Variants in GRID2 observed in about 807,000 individuals in gnomAD.
The protein encoded by GRID2 is glutamate ionotropic receptor delta type subunit 2.
Under a neutral mutation model 114.8 loss-of-function variants are expected in GRID2, and 33 were observed. That is an observed-to-expected ratio of 0.29 (90% CI 0.22 to 0.38). GRID2 has a LOEUF of 0.38. Among genes scored for constraint, GRID2 ranks in the 10% least tolerant of loss-of-function variants. GRID2 has a pLI of 1.00. For synonymous variants in GRID2, 505 were observed against 449.9 expected (o/e 1.12, Z -1.55); for missense variants, 1,184 against 1,257.7 (o/e 0.94, Z 0.89).
At chr4:92,915,479 A>T (rs1748710331) in intron 2 of GRID2, among the ~76,000 whole-genome samples, 1 of 152,110 alleles carries the variant, frequency 6.6e-6, no homozygotes, top group Non-Finnish European at 1.5e-5. Flanking sequence ...TTAGCTTTAC[A>T]ATATGAATTT....
At chr4:93,754,698 A>G (rs924154477) in intron 14 of GRID2, among the ~76,000 whole-genome samples, 4 of 152,208 alleles carry the variant, frequency 2.6e-5, no homozygotes, top group Non-Finnish European at 4.4e-5. Flanking sequence ...CACTTCTACA[A>G]TTATTCATTA....
At chr4:93,416,054 T>C (rs1379113649) in intron 9 of GRID2, among the ~76,000 whole-genome samples, 1 of 152,068 alleles carries the variant, frequency 6.6e-6, no homozygotes, top group Non-Finnish European at 1.5e-5. Flanking sequence ...AAAAATGTTT[T>C]CATTGCATAT....
chr4:92,973,864 T>G (rs1016322774), intron 2 of GRID2, among the ~76,000 whole-genome samples: 2 of 152,132 alleles, frequency 1.3e-5, no homozygotes, highest in African/African-American at 2.4e-5. Flanking sequence ...CTAAAGAGCT[T>G]CTGCACAGCA....
intron 2 of GRID2, among the ~76,000 whole-genome samples, chr4:92,991,960 C>T (rs558402663): frequency 1.3e-4 from 20 of 152,106 alleles, no homozygotes; most frequent in East Asian, 3.9e-4. Context: ...TTTATATCAA[C>T]GTATGTGAGG....
At position 92,318,039 on chromosome 4, in the gene GRID2, T is replaced by C. The variant is rs1188786058; in HGVS notation, c.88+13295T>C. On this transcript the variant is annotated intron_variant, in intron 1 of 15. Transcript: ENST00000282020. ...GTCAATACACATTGAGTCTTGAGCA[T>C]CTACATTGTATATACCCTGTTGACC... 5.9e-5 allele frequency among the ~76,000 whole-genome samples: 9 copies of C among 152,236 alleles called. No individual in the cohort carries two copies. The East Asian group carries it at 9.7e-4, about 16-fold the overall frequency.
At chr4:92,932,345 A>C (rs1278952705) in intron 2 of GRID2, among the ~76,000 whole-genome samples, 1 of 151,286 alleles carries the variant, frequency 6.6e-6, no homozygotes, top group Non-Finnish European at 1.5e-5. Flanking sequence ...AAGGTTTTGC[A>C]CAACTACAAT....
intron 8 of GRID2, among the ~76,000 whole-genome samples, chr4:93,324,742 A>C (rs1460274144): frequency 3.3e-5 from 5 of 152,080 alleles, no homozygotes; most frequent in African/African-American, 4.8e-5. Context: ...CAGAGATTCA[A>C]CTTCTTCCTG....
At chr4:92,331,802 A>T (rs1470451514) in intron 1 of GRID2, among the ~76,000 whole-genome samples, 2 of 152,220 alleles carry the variant, frequency 1.3e-5, no homozygotes, top group Admixed American at 6.5e-5. Context: ...ACTTTGAATA[A>T]GATGAGGTAT....
intron 4 of GRID2, among the ~76,000 whole-genome samples, chr4:93,124,992 G>T (rs1268267491): frequency 6.6e-6 from 1 of 151,718 alleles, no homozygotes; most frequent in Non-Finnish European, 1.5e-5. Context: ...ATTTCTTTTT[G>T]GTTTCTACTT....
At chr4:92,862,241 T>G (rs1002687048) in intron 2 of GRID2, among the ~76,000 whole-genome samples, 3 of 151,982 alleles carry the variant, frequency 2.0e-5, no homozygotes, top group African/African-American at 7.2e-5. Context: ...TCATAGTACA[T>G]TTACCTCATA....
At chr4:93,528,865 C>A (rs13101994) in intron 13 of GRID2, among the ~76,000 whole-genome samples, 36,117 of 152,024 alleles carry the variant, frequency 0.24, 4,585 homozygotes, top group Middle Eastern at 0.33. Flanking sequence ...TCTGCCATTG[C>A]GATTCCTAGA....
chr4:93,193,306 A>C (rs1741171017), intron 4 of GRID2, among the ~76,000 whole-genome samples: 1 of 152,032 alleles, frequency 6.6e-6, no homozygotes, highest in Non-Finnish European at 1.5e-5. Context: ...CTGTGTCCCC[A>C]CCCAAATCTC....
intron 2 of GRID2, among the ~76,000 whole-genome samples, chr4:92,868,459 T>C (rs1359816801): frequency 6.6e-6 from 1 of 152,190 alleles, no homozygotes; most frequent in East Asian, 1.9e-4. Context: ...TATTACAAAA[T>C]ATTTGTTCTC....
chr4:92,642,916 G>A (rs929696449), intron 2 of GRID2, among the ~76,000 whole-genome samples: 5 of 151,508 alleles, frequency 3.3e-5, no homozygotes, highest in African/African-American at 1.2e-4. Context: ...TGGTTATAGG[G>A]TGTGGGGCTT....
At chr4:92,805,243 C>A (rs948357627) in intron 2 of GRID2, among the ~76,000 whole-genome samples, 4 of 151,786 alleles carry the variant, frequency 2.6e-5, no homozygotes, top group African/African-American at 9.7e-5. Flanking sequence ...ATACTTTTCT[C>A]TCTCTCTCTC....
intron 2 of GRID2, among the ~76,000 whole-genome samples, chr4:92,933,546 C>T (rs1181687640): frequency 6.6e-6 from 1 of 151,394 alleles, no homozygotes; most frequent in Admixed American, 6.6e-5. Context: ...ATGTGGATGC[C>T]TAAGAAATGA....
chr4:93,076,636 A>G (rs62308174), intron 2 of GRID2, among the ~76,000 whole-genome samples: 1 of 112,272 alleles, frequency 8.9e-6, no homozygotes, highest in Non-Finnish European at 1.7e-5. Context: ...TTTTTTTTTA[A>G]TGACAGAGTC....
intron 4 of GRID2, among the ~76,000 whole-genome samples, chr4:93,191,306 T>C (rs979720557): frequency 2.0e-5 from 3 of 152,106 alleles, no homozygotes; most frequent in African/African-American, 7.2e-5. Flanking sequence ...GTTGCTTTCC[T>C]GCTTCTTACT....
chr4:92,327,626 C>CCAATAATATAA (rs1253021648), intron 1 of GRID2, among the ~76,000 whole-genome samples: 57 of 151,864 alleles, frequency 3.8e-4, no homozygotes, highest in African/African-American at 1.4e-3. Context: ...CAATATTCTT[C>CCAATAATATAA]CCTTATTATG....
Sources: gnomAD v4.1 joint callset for allele counts (sites outside exome capture counted in the v4.1 genomes callset) on GRCh38, gnomAD v4.1.1 for gene constraint, MANE v1.5 for transcripts, NCBI Gene and HGNC (gene_info 2026-07-23, HGNC 2026-07-21) for gene names.